SEMA5A: variants seen among roughly 807,000 people sequenced by gnomAD.
SEMA5A encodes the protein semaphorin 5A, also known as semaphorin-5A.
A neutral mutation model predicts 135.5 loss-of-function variants in SEMA5A; 55 were observed. The observed-to-expected ratio is 0.41, with a 90% confidence interval of 0.33 to 0.51. SEMA5A has a LOEUF of 0.51. Ranked by LOEUF, SEMA5A falls within the 20% of genes least tolerant of loss-of-function variation. SEMA5A has a pLI of 0.37. For missense variants in SEMA5A, 1,290 were observed against 1,419.9 expected, an observed-to-expected ratio of 0.91 and a Z score of 1.47; for synonymous variants, 580 against 546.5, an observed-to-expected ratio of 1.06 and a Z score of -0.85.
At chr5:9,537,970 T>C (rs1737862345) in intron 1 of SEMA5A, among the ~76,000 whole-genome samples, 1 of 152,092 alleles carries the variant, frequency 6.6e-6, no homozygotes, top group South Asian at 2.1e-4. Flanking sequence ...GGAAAGCCAC[T>C]ATGTGGAAAC....
At chr5:9,472,711 C>T (rs904724023) in intron 1 of SEMA5A, among the ~76,000 whole-genome samples, 3 of 151,972 alleles carry the variant, frequency 2.0e-5, no homozygotes, top group Non-Finnish European at 4.4e-5. Flanking sequence ...CATATGTCCA[C>T]TGTAAAAGTT....
At chr5:9,293,738 G>A (rs1438882001) in intron 5 of SEMA5A, among the ~76,000 whole-genome samples, 1 of 152,116 alleles carries the variant, frequency 6.6e-6, no homozygotes, top group East Asian at 1.9e-4. Flanking sequence ...GTCTAATTTA[G>A]CCCTATGTCC....
At chr5:9,115,716 G>C (rs73045629) in intron 15 of SEMA5A, among the ~76,000 whole-genome samples, 1,590 of 152,302 alleles carry the variant, frequency 0.01, 11 homozygotes, top group Middle Eastern at 0.037. Flanking sequence ...GGGTAGGGAT[G>C]TGAATGACTG....
At chr5:9,483,390 C>G (rs1759954882) in intron 1 of SEMA5A, among the ~76,000 whole-genome samples, 1 of 152,148 alleles carries the variant, frequency 6.6e-6, no homozygotes, top group Non-Finnish European at 1.5e-5. Flanking sequence ...GTTTGCTAAT[C>G]ATGCTTAAAA....
intron 5 of SEMA5A, among the ~76,000 whole-genome samples, chr5:9,294,115 A>G (rs1471170219): frequency 3.3e-5 from 5 of 152,222 alleles, no homozygotes; most frequent in Admixed American, 3.3e-4. Context: ...CAGGTCACAT[A>G]CAGCAATGGG....
At position 9,242,251 on chromosome 5, in the gene SEMA5A, G is replaced by C. The variant is rs561251466; in HGVS notation, c.271-4361C>G. Among the ~76,000 whole-genome samples the C allele has an allele frequency of 1.6e-4, 24 of 152,292 alleles. 1 individual carries two copies. The highest frequency in any genetic ancestry group is 5.5e-4 in the African/African-American group (23 of 41,578). On this transcript the variant is annotated intron_variant, in intron 5 of 22. Coordinates refer to ENST00000382496, the MANE Select transcript of SEMA5A (RefSeq NM_003966.3). ...TCAACCTATAACAGTAACTTTGAGA[G>C]AGGACATCTTTGCTAATTATAATAC... is the stretch of plus-strand genomic sequence containing the variant.
chr5:9,468,952 T>C lies in SEMA5A; in HGVS notation c.-174-31100A>G, dbSNP rs532758411. On this transcript the variant is annotated intron_variant, in intron 1 of 22. Transcript: ENST00000382496. ...TGTAAGAGGTTCATTTTTCTGAGCC[T>C]CCAAAATTTCTATGTTGGTGAGGCT... Among the ~76,000 whole-genome samples, 6 of 152,316 alleles carry C rather than the reference T, an allele frequency of 3.9e-5. No individual in the cohort carries two copies. In the East Asian group the frequency reaches 1.2e-3, roughly 29 times the overall value.
At chr5:9,109,207 A>AT (rs1406477474) in intron 15 of SEMA5A, among the ~76,000 whole-genome samples, 1 of 150,792 alleles carries the variant, frequency 6.6e-6, no homozygotes, top group Non-Finnish European at 1.5e-5. Flanking sequence ...CGCCCGGCTA[A>AT]TTTTTTGTAT....
intron 5 of SEMA5A, among the ~76,000 whole-genome samples, chr5:9,275,945 T>C (rs920480216): frequency 1.3e-5 from 2 of 152,162 alleles, no homozygotes; most frequent in African/African-American, 4.8e-5. Flanking sequence ...AACATAATAT[T>C]GGAAGTTCTG....
chr5:9,190,715 T>TA (rs956006028), intron 10 of SEMA5A, among the ~76,000 whole-genome samples: 3 of 151,658 alleles, frequency 2.0e-5, no homozygotes, highest in South Asian at 2.1e-4. Context: ...GATCAGAAGT[T>TA]AAAAAAAAAT....
intron 16 of SEMA5A, among the ~76,000 whole-genome samples, chr5:9,098,581 A>C (rs1324445050): frequency 6.6e-6 from 1 of 152,232 alleles, no homozygotes; most frequent in African/African-American, 2.4e-5. Flanking sequence ...GTCACTCTTA[A>C]TTACTCATTT....
chr5:9,394,308 T>TC (rs1348551041), intron 2 of SEMA5A, among the ~76,000 whole-genome samples: 3 of 151,684 alleles, frequency 2.0e-5, no homozygotes, highest in Admixed American at 6.6e-5. Flanking sequence ...AAACACCAGC[T>TC]CCCCCAAGAG....
chr5:9,251,251 C>T (rs6885837), intron 5 of SEMA5A, among the ~76,000 whole-genome samples: 1,530 of 152,178 alleles, frequency 0.01, 19 homozygotes, highest in African/African-American at 0.031. Context: ...GTCAAATAAC[C>T]TAATATTTTA....
At chr5:9,387,946 C>T (rs1276996383) in intron 2 of SEMA5A, among the ~76,000 whole-genome samples, 1 of 152,068 alleles carries the variant, frequency 6.6e-6, no homozygotes, top group Non-Finnish European at 1.5e-5. Context: ...TATTTTAACC[C>T]ACGTGTCTCG....
chr5:9,294,377 C>A (rs1751230946), intron 5 of SEMA5A, among the ~76,000 whole-genome samples: 1 of 152,206 alleles, frequency 6.6e-6, no homozygotes, highest in African/African-American at 2.4e-5. Context: ...AAAAATGGGG[C>A]AGGGGACCCT....
At chr5:9,061,260 G>A (rs540962161) in intron 18 of SEMA5A, among the ~76,000 whole-genome samples, 2 of 152,030 alleles carry the variant, frequency 1.3e-5, no homozygotes, top group East Asian at 1.9e-4. Context: ...GTGCACAGTC[G>A]GTTACTCAAA....
chr5:9,285,196 T>G (rs1051417393), intron 5 of SEMA5A, among the ~76,000 whole-genome samples: 1 of 152,202 alleles, frequency 6.6e-6, no homozygotes, highest in South Asian at 2.1e-4. Context: ...ACTCTACAAA[T>G]GATTTCTAAC....
intron 1 of SEMA5A, among the ~76,000 whole-genome samples, chr5:9,453,959 A>G (rs1185637236): frequency 6.6e-6 from 1 of 152,180 alleles, no homozygotes; most frequent in Non-Finnish European, 1.5e-5. Flanking sequence ...AGGGAGATCC[A>G]ATGGAAGCTA....
intron 12 of SEMA5A, among the ~76,000 whole-genome samples, chr5:9,144,826 T>C (rs892840855): frequency 7.9e-5 from 12 of 152,174 alleles, no homozygotes; most frequent in Admixed American, 1.3e-4. Context: ...TCTCATGAAC[T>C]GTTGATTTGC....
Sources: gnomAD v4.1 joint callset for allele counts (sites outside exome capture counted in the v4.1 genomes callset) on GRCh38, gnomAD v4.1.1 for gene constraint, MANE v1.5 for transcripts, NCBI Gene and HGNC (gene_info 2026-07-23, HGNC 2026-07-21) for gene names.